Variants in MAP2K1 observed in about 807,000 individuals in gnomAD.
The protein encoded by MAP2K1 is dual specificity mitogen-activated protein kinase kinase 1.
A neutral mutation model predicts 46.3 loss-of-function variants in MAP2K1; 16 were observed. The ratio of observed to expected loss-of-function variants is 0.35; its 90% confidence interval spans 0.23 to 0.52. The LOEUF is 0.52. MAP2K1 is among the 20% of genes least tolerant of loss of function. The pLI is 0.94. For synonymous variants in MAP2K1, 183 were observed against 185.6 expected (o/e 0.99, Z 0.11); for missense variants, 263 against 497.1 (o/e 0.53, Z 4.48).
chr15:66,433,001 T>TGTGTGTG (rs56089688), intron 1 of MAP2K1, among the ~76,000 whole-genome samples: 38 of 151,086 alleles, frequency 2.5e-4, no homozygotes, highest in South Asian at 1.0e-3. Context: ...TGTGTGTGTG[T>TGTGTGTG]TGACAGCTTT....
intron 1 of MAP2K1, among the ~76,000 whole-genome samples, chr15:66,394,491 G>T (rs12900744): frequency 6.8e-6 from 1 of 147,452 alleles, no homozygotes; most frequent in Admixed American, 6.8e-5. Context: ...GAGAGACAGG[G>T]TCTTGCTCAG....
At chr15:66,481,985 A>G in intron 6 of MAP2K1, 106 bp downstream of exon 6, 1 of 1,383,718 alleles carries the variant, frequency 7.2e-7, no homozygotes, top group Non-Finnish European at 1.0e-6. Context: ...GTAGGGGACA[A>G]GAAGTGAGGG....
chr15:66,459,617 CA>C (rs11404258), intron 5 of MAP2K1, among the ~76,000 whole-genome samples: 4 of 143,234 alleles, frequency 2.8e-5, no homozygotes, highest in Non-Finnish European at 4.6e-5. Context: ...GACACCATCT[CA>C]AAAAAAAAAA....
intron 3 of MAP2K1, among the ~76,000 whole-genome samples, chr15:66,437,619 A>G (rs570525497): frequency 1.3e-5 from 2 of 152,256 alleles, no homozygotes; most frequent in African/African-American, 4.8e-5. Flanking sequence ...TATTCCTGAT[A>G]CTTGAGACCT....
intron 5 of MAP2K1, among the ~76,000 whole-genome samples, chr15:66,460,701 G>A (rs937418843): frequency 6.6e-6 from 1 of 152,164 alleles, no homozygotes; most frequent in Non-Finnish European, 1.5e-5. Context: ...CTACTGTTAC[G>A]GCTAAGGTGA....
At chr15:66,399,455 CT>C (rs35799945) in intron 1 of MAP2K1, among the ~76,000 whole-genome samples, 16,060 of 151,310 alleles carry the variant, frequency 0.11, 1,077 homozygotes, top group Non-Finnish European at 0.15. Flanking sequence ...CCCACCCCCT[CT>C]TTTTTTTTGA....
intron 5 of MAP2K1, among the ~76,000 whole-genome samples, chr15:66,459,244 C>G (rs1172126425): frequency 6.9e-6 from 1 of 145,310 alleles, no homozygotes; most frequent in Non-Finnish European, 1.5e-5. Context: ...ACCCGGGAGT[C>G]TGAGGTTGCA....
At chr15:66,404,774 C>T (rs939606889) in intron 1 of MAP2K1, among the ~76,000 whole-genome samples, 2 of 152,106 alleles carry the variant, frequency 1.3e-5, no homozygotes, top group South Asian at 2.1e-4. Flanking sequence ...GGAGGGGACA[C>T]GGTGAGCGGA....
intron 1 of MAP2K1, among the ~76,000 whole-genome samples, chr15:66,396,995 C>CTTTTTTTTT (rs57043037): frequency 2.5e-5 from 1 of 39,246 alleles, no homozygotes; most frequent in African/African-American, 1.0e-4. Context: ...TGTAACGCTT[C>CTTTTTTTTT]TTTTTTTTTT....
chr15:66,435,873 G>A (rs906449712), intron 2 of MAP2K1, among the ~76,000 whole-genome samples: 2 of 152,122 alleles, frequency 1.3e-5, no homozygotes, highest in Non-Finnish European at 2.9e-5. Context: ...TTTCCCTCTT[G>A]TGCTCCAGCC....
chr15:66,448,802 G>C (rs943065578), intron 5 of MAP2K1, among the ~76,000 whole-genome samples: 2 of 151,970 alleles, frequency 1.3e-5, no homozygotes, highest in Non-Finnish European at 2.9e-5. Context: ...AGGAGTTCAA[G>C]ACCAGCCTGG....
rs1240703793 is a variant in MAP2K1, at chr15:66,481,905, G to T, written c.693+26G>T. The stretch of plus-strand genomic sequence containing the variant: ...GTATGAACAGAAGTTTCCATTGCTT[G>T]AGCTTCTTGTACGGTCAGGGAGAGG... On this transcript the variant is annotated intron_variant, in intron 6 of 10. Transcript: ENST00000307102. The T allele has an allele frequency of 3.1e-6, 5 of 1,611,250 alleles. No homozygotes were observed. The Admixed American group carries it at 5.0e-5, about 16-fold the overall frequency.
chr15:66,391,787 A>G (rs183522683), intron 1 of MAP2K1, among the ~76,000 whole-genome samples: 16 of 152,228 alleles, frequency 1.1e-4, no homozygotes, highest in African/African-American at 1.9e-4. Context: ...CACCCACTCA[A>G]CCATTCTAAG....
At chr15:66,481,396 T>A (rs1892911962) in intron 5 of MAP2K1, among the ~76,000 whole-genome samples, 1 of 152,212 alleles carries the variant, frequency 6.6e-6, no homozygotes, top group Non-Finnish European at 1.5e-5. Flanking sequence ...CCATAGATAC[T>A]ATATCTTACC....
At chr15:66,439,086 T>C (rs965396201) in intron 3 of MAP2K1, among the ~76,000 whole-genome samples, 2 of 152,210 alleles carry the variant, frequency 1.3e-5, no homozygotes, top group Non-Finnish European at 2.9e-5. Flanking sequence ...CCCTTCCTTA[T>C]TCCTGAGCAG....
rs371803239 is a variant in MAP2K1, at chr15:66,407,402, T to C, written c.80+19975T>C. Among the ~76,000 whole-genome samples, 18 of 152,344 alleles carry C rather than the reference T, an allele frequency of 1.2e-4. 1 individual carries two copies. The highest frequency in any genetic ancestry group is 4.1e-4 in the African/African-American group (17 of 41,574). ...AGGCTTCAGAATTTTTAGGCCATAG[T>C]GCTTTGGAATAACAGTCCCTTGTGT... On this transcript the variant is annotated intron_variant, in intron 1 of 10. Coordinates refer to ENST00000307102, the MANE Select transcript of MAP2K1 (RefSeq NM_002755.4).
At chr15:66,471,905 C>T (rs1389200783) in intron 5 of MAP2K1, among the ~76,000 whole-genome samples, 2 of 151,868 alleles carry the variant, frequency 1.3e-5, no homozygotes, top group South Asian at 2.1e-4. Context: ...GGTGAAACCC[C>T]GTCTCTACTA....
intron 1 of MAP2K1, among the ~76,000 whole-genome samples, chr15:66,417,606 AC>A: frequency 6.6e-6 from 1 of 152,266 alleles, no homozygotes; most frequent in East Asian, 1.9e-4. Context: ...TTAAGTGAGC[AC>A]CTGCATTGAC....
At chr15:66,427,666 GT>G (rs1239303555) in intron 1 of MAP2K1, among the ~76,000 whole-genome samples, 1 of 152,020 alleles carries the variant, frequency 6.6e-6, no homozygotes, top group Non-Finnish European at 1.5e-5. Context: ...CCCAAGATGT[GT>G]TTACTACTGT....
Sources: allele counts gnomAD v4.1 joint callset (sites outside exome capture counted in the v4.1 genomes callset), GRCh38; gene constraint gnomAD v4.1.1; transcripts MANE v1.5; gene names NCBI Gene and HGNC (gene_info 2026-07-23, HGNC 2026-07-21).